AGBL4: variants seen among roughly 807,000 people sequenced by gnomAD.
AGBL4 encodes AGBL carboxypeptidase 4.
A neutral mutation model predicts 66.4 loss-of-function variants in AGBL4; 58 were observed. That is an observed-to-expected ratio of 0.87 (90% confidence interval 0.71 to 1.09). The LOEUF (loss-of-function observed/expected upper bound fraction) is 1.09, where lower values mean the gene tolerates loss of function less well. Among genes scored for constraint, AGBL4 ranks in the 50% least tolerant of loss-of-function variants. The pLI is 0.00. For missense variants in AGBL4, 579 were observed against 631.0 expected, an observed-to-expected ratio of 0.92 and a Z score of 0.88; for synonymous variants, 234 against 222.9, an observed-to-expected ratio of 1.05 and a Z score of -0.44.
intron 3 of AGBL4, among the ~76,000 whole-genome samples, chr1:49,568,250 T>A (rs1316187216): frequency 2.0e-5 from 3 of 152,172 alleles, no homozygotes; most frequent in African/African-American, 7.2e-5. Flanking sequence ...CTGCATAGTC[T>A]TGGACCAAAA....
intron 4 of AGBL4, among the ~76,000 whole-genome samples, chr1:49,126,121 CTAACAAT>C (rs1280282200): frequency 1.3e-5 from 2 of 152,248 alleles, no homozygotes; most frequent in East Asian, 3.9e-4. Flanking sequence ...CTTTGTTCCT[CTAACAAT>C]TAACTGATGC....
chr1:49,831,609 T>C (rs1004577468), intron 2 of AGBL4, among the ~76,000 whole-genome samples: 3 of 152,192 alleles, frequency 2.0e-5, no homozygotes, highest in East Asian at 3.9e-4. Flanking sequence ...TATTTCTTTC[T>C]CTTGCCTAAT....
At chr1:49,676,884 T>C (rs1294832274) in intron 3 of AGBL4, among the ~76,000 whole-genome samples, 1 of 152,080 alleles carries the variant, frequency 6.6e-6, no homozygotes, top group East Asian at 1.9e-4. Flanking sequence ...CATTGCTTCT[T>C]AATAATAACA....
intron 6 of AGBL4, among the ~76,000 whole-genome samples, chr1:48,699,962 A>T (rs1646776542): frequency 6.6e-6 from 1 of 151,740 alleles, no homozygotes; most frequent in African/African-American, 2.4e-5. Flanking sequence ...ATTTAGAGAC[A>T]GAGTCTCACT....
At chr1:49,514,320 A>T (rs1649562373) in intron 3 of AGBL4, among the ~76,000 whole-genome samples, 1 of 152,146 alleles carries the variant, frequency 6.6e-6, no homozygotes, top group African/African-American at 2.4e-5. Context: ...GAATGCTTCC[A>T]ACTTACAAGG....
At chr1:49,427,996 T>G (rs1344072128) in intron 3 of AGBL4, among the ~76,000 whole-genome samples, 2 of 152,040 alleles carry the variant, frequency 1.3e-5, no homozygotes, top group Non-Finnish European at 2.9e-5. Flanking sequence ...TGCTGATTGG[T>G]GCGTTTTTAC....
At chr1:48,823,483 C>G (rs1558019709) in intron 6 of AGBL4, among the ~76,000 whole-genome samples, 1 of 152,204 alleles carries the variant, frequency 6.6e-6, no homozygotes, top group Non-Finnish European at 1.5e-5. Flanking sequence ...CTGATTCTCT[C>G]CTTCTTCTTT....
chr1:48,854,778 G>T (rs1647108878), intron 6 of AGBL4, among the ~76,000 whole-genome samples: 1 of 152,140 alleles, frequency 6.6e-6, no homozygotes, highest in Admixed American at 6.5e-5. Context: ...ATTCTGCTAG[G>T]ACTTCTGAGT....
At chr1:49,839,090 T>C (rs948784242) in intron 2 of AGBL4, among the ~76,000 whole-genome samples, 18 of 152,226 alleles carry the variant, frequency 1.2e-4, no homozygotes, top group Non-Finnish European at 2.9e-5. Flanking sequence ...ACCATCATTC[T>C]TAGAGGAAAA....
chr1:49,530,272 AC>A (rs200627934), intron 3 of AGBL4, among the ~76,000 whole-genome samples: 3,133 of 142,006 alleles, frequency 0.022, 523 homozygotes, highest in African/African-American at 0.075. Context: ...AAAAAAAAAA[AC>A]AAAAAAAAAC....
intron 9 of AGBL4, among the ~76,000 whole-genome samples, chr1:48,628,809 C>G (rs1645545667): frequency 6.6e-6 from 1 of 150,570 alleles, no homozygotes; most frequent in Non-Finnish European, 1.5e-5. Context: ...CTCAAAAAAG[C>G]TTCCTTGGAT....
intron 10 of AGBL4, among the ~76,000 whole-genome samples, chr1:48,590,199 G>A (rs2148346482): frequency 6.6e-6 from 1 of 152,236 alleles, no homozygotes; most frequent in Non-Finnish European, 1.5e-5. Context: ...GAGGTTGGGA[G>A]TTCGAGAGCA....
At chr1:49,212,646 C>A (rs1648761068) in intron 4 of AGBL4, among the ~76,000 whole-genome samples, 2 of 152,106 alleles carry the variant, frequency 1.3e-5, no homozygotes, top group South Asian at 2.1e-4. Context: ...ATTATAGGAA[C>A]CTGGTAGTTC....
Position 49,295,370 on chromosome 1 carries a change from C to T in AGBL4, c.283-49506G>A, listed in dbSNP as rs943348434. Among the ~76,000 whole-genome samples, 3 of 152,170 alleles carry T rather than the reference C, an allele frequency of 2.0e-5. No homozygotes were observed. The East Asian group carries it at 5.8e-4, about 29-fold the overall frequency. On this transcript the variant is annotated intron_variant, in intron 3 of 13. Transcript: ENST00000371839. ...CATAGAGGAAAGGACCAATGCCAGC[C>T]TGGTAGATCAGGGATGTTTTCCTAA...
intron 3 of AGBL4, among the ~76,000 whole-genome samples, chr1:49,509,621 T>C (rs779895878): frequency 6.6e-6 from 1 of 151,840 alleles, no homozygotes; most frequent in Non-Finnish European, 1.5e-5. Context: ...AGGGAGTCAT[T>C]GGAGGTTTCT....
In AGBL4 at chr1:48,534,226, T is replaced by TA; in HGVS notation, c.1458_1459insT (p.Lys487Ter). The stretch of plus-strand genomic sequence containing the variant: ...TTCACTGAGCTCTTCTTGTCCCCTT[T>TA]GCTGTTGGGGTAGTTGCTGGCTGGG... On this transcript the variant is annotated frameshift_variant, in exon 14 of 14. Transcript: ENST00000371839. LOFTEE classifies it high-confidence loss of function. 8 of 1,551,692 alleles carry TA rather than the reference T, an allele frequency of 5.2e-6. No homozygotes were observed. Among genetic ancestry groups the TA allele is most frequent in the Non-Finnish European group, 7.0e-6 (8 of 1,146,958 alleles).
chr1:48,686,151 G>A (rs1318582794), intron 6 of AGBL4, among the ~76,000 whole-genome samples: 4 of 152,180 alleles, frequency 2.6e-5, no homozygotes, highest in Admixed American at 2.6e-4. Context: ...TAATAACACA[G>A]CCAGGATCTA....
At chr1:49,916,703 G>T (rs1457958975) in intron 1 of AGBL4, among the ~76,000 whole-genome samples, 1 of 152,150 alleles carries the variant, frequency 6.6e-6, no homozygotes, top group African/African-American at 2.4e-5. Flanking sequence ...AGCAAGGCAG[G>T]CCAACATTCA....
intron 5 of AGBL4, among the ~76,000 whole-genome samples, chr1:48,915,408 T>C (rs1406029052): frequency 6.6e-6 from 1 of 152,216 alleles, no homozygotes; most frequent in East Asian, 1.9e-4. Flanking sequence ...TAGTTATTTG[T>C]ACTTTTGGAA....
Sources: allele counts gnomAD v4.1 joint callset (sites outside exome capture counted in the v4.1 genomes callset), GRCh38; gene constraint gnomAD v4.1.1; transcripts MANE v1.5; gene names NCBI Gene and HGNC (gene_info 2026-07-23, HGNC 2026-07-21).